Variants in PTPRO observed in about 807,000 individuals in gnomAD.
The protein encoded by PTPRO is receptor-type tyrosine-protein phosphatase O.
In PTPRO, 62 loss-of-function variants were observed where a neutral mutation model predicts 145.2. The ratio of observed to expected loss-of-function variants is 0.43; its 90% CI spans 0.35 to 0.53. The LOEUF (loss-of-function observed/expected upper bound fraction) is 0.53, where lower values mean the gene tolerates loss of function less well. PTPRO is among the 20% of genes least tolerant of loss of function. The pLI is 0.01. For missense variants in PTPRO, 1,345 were observed against 1,482.7 expected (o/e 0.91, Z 1.53); for synonymous variants, 565 against 514.7 (o/e 1.10, Z -1.32).
At chr12:15,525,589 T>C (rs1292779096) in intron 11 of PTPRO, among the ~76,000 whole-genome samples, 2 of 152,140 alleles carry the variant, frequency 1.3e-5, no homozygotes, top group African/African-American at 4.8e-5. Flanking sequence ...TGTTCCAGCC[T>C]GCAGGAAGGG....
intron 1 of PTPRO, among the ~76,000 whole-genome samples, chr12:15,462,595 G>A (rs1487176125): frequency 6.6e-6 from 1 of 152,176 alleles, no homozygotes; most frequent in Non-Finnish European, 1.5e-5. Flanking sequence ...TCATGTTCTT[G>A]TAGATAATAC....
At chr12:15,388,435 G>C (rs1760975987) in intron 1 of PTPRO, among the ~76,000 whole-genome samples, 1 of 152,094 alleles carries the variant, frequency 6.6e-6, no homozygotes, top group Non-Finnish European at 1.5e-5. Context: ...TTTAAACTGT[G>C]CTGAAATTAT....
chr12:15,441,124 T>C (rs982791094), intron 1 of PTPRO, among the ~76,000 whole-genome samples: 1 of 152,000 alleles, frequency 6.6e-6, no homozygotes, highest in African/African-American at 2.4e-5. Context: ...ATAAAGTAAG[T>C]CTCAATGAAA....
intron 9 of PTPRO, among the ~76,000 whole-genome samples, chr12:15,518,147 C>T (rs1043452467): frequency 1.3e-5 from 2 of 152,224 alleles, no homozygotes; most frequent in African/African-American, 2.4e-5. Flanking sequence ...CAGTTCTTGA[C>T]TCCTGTGCAC....
At chr12:15,404,479 T>C (rs1939593897) in intron 1 of PTPRO, among the ~76,000 whole-genome samples, 1 of 152,186 alleles carries the variant, frequency 6.6e-6, no homozygotes, top group African/African-American at 2.4e-5. Flanking sequence ...TTTATTTGTG[T>C]TATTTGTATA....
intron 1 of PTPRO, among the ~76,000 whole-genome samples, chr12:15,383,427 A>G (rs1938925431): frequency 1.3e-5 from 2 of 152,350 alleles, no homozygotes; most frequent in Admixed American, 6.5e-5. Flanking sequence ...TGCAGGGAAC[A>G]TGGGAATTTT....
intron 14 of PTPRO, among the ~76,000 whole-genome samples, chr12:15,550,522 A>C (rs1404044380): frequency 6.6e-6 from 1 of 152,240 alleles, no homozygotes; most frequent in Non-Finnish European, 1.5e-5. Flanking sequence ...ACAATGTAGC[A>C]TAACAGGTGA....
intron 1 of PTPRO, among the ~76,000 whole-genome samples, chr12:15,472,920 C>T (rs1565650271): frequency 6.6e-6 from 1 of 152,158 alleles, no homozygotes; most frequent in Non-Finnish European, 1.5e-5. Context: ...AGAGCTCCTT[C>T]CCATGAATTC....
intron 1 of PTPRO, chr12:15,348,289 A>C (rs1048744877): frequency 2.0e-5 from 3 of 152,266 alleles, no homozygotes; most frequent in Non-Finnish European, 4.4e-5. Context: ...TGGAAGATGC[A>C]GGAGAAAGGG....
chr12:15,417,431 C>T (rs1197382548), intron 1 of PTPRO, among the ~76,000 whole-genome samples: 1 of 151,652 alleles, frequency 6.6e-6, no homozygotes, highest in Non-Finnish European at 1.5e-5. Flanking sequence ...GTCTTTAATT[C>T]ATGTCTTTAT....
In PTPRO at chr12:15,589,460, G is replaced by C; in HGVS notation, c.3416G>C (p.Gly1139Ala). 6.2e-7 allele frequency: 1 copy of C among 1,614,082 alleles called. No individual in the cohort carries two copies. The highest frequency in any genetic ancestry group is 8.5e-7 in the Non-Finnish European group (1 of 1,180,002). Residue 1139 changes from glycine (G) to alanine (A), a missense_variant, in exon 25 of 27, where the codon GGC becomes GCC. This residue lies in a region of PTPRO where 208 missense variants were observed against 242.8 expected (regional missense o/e 0.86). Coordinates refer to ENST00000281171, the MANE Select transcript of PTPRO (RefSeq NM_030667.3). ...ATCGGAACATTCTTTTGCAGTGCTG[G>C]CGTGGGACGGACAGGAACATTCATT... Reference protein sequence around the residue: ...KGPMIIHCSAGVGRTGTFIAL... With the variant: ...KGPMIIHCSAAVGRTGTFIAL...
At chr12:15,513,055 G>A (rs1942474212) in intron 7 of PTPRO, among the ~76,000 whole-genome samples, 1 of 139,434 alleles carries the variant, frequency 7.2e-6, no homozygotes, top group African/African-American at 2.7e-5. Context: ...AAGGAAGGAA[G>A]GAGAAAGAGA....
chr12:15,469,464 A>G (rs539274259), intron 1 of PTPRO, among the ~76,000 whole-genome samples: 2 of 152,198 alleles, frequency 1.3e-5, no homozygotes, highest in African/African-American at 2.4e-5. Flanking sequence ...AATGTATTTT[A>G]TGGGTTCCTG....
chr12:15,356,614 C>T (rs927619029), intron 1 of PTPRO, among the ~76,000 whole-genome samples: 2 of 152,104 alleles, frequency 1.3e-5, no homozygotes, highest in Non-Finnish European at 1.5e-5. Context: ...TCTCTTCTAC[C>T]TTTAATGGCT....
chr12:15,573,597 G>A (rs1477704429), intron 19 of PTPRO, among the ~76,000 whole-genome samples: 2 of 152,074 alleles, frequency 1.3e-5, no homozygotes, highest in Admixed American at 1.3e-4. Context: ...TACATATTCT[G>A]GTAGGAAAAT....
intron 1 of PTPRO, among the ~76,000 whole-genome samples, chr12:15,379,714 T>C (rs1938800592): frequency 6.6e-6 from 1 of 152,158 alleles, no homozygotes; most frequent in African/African-American, 2.4e-5. Context: ...TCAATTTATA[T>C]GAAATAGGCA....
rs1349321752 is a variant in PTPRO at position 15,496,134 on chromosome 12, C to CTTTTTTTTTTTTTTTTTTTTTTTT, written c.350-1104_350-1103insTTTTTTTTTTTTTTTTTTTTTTTT. ...TTTTACTTATGTTCATTTTTCTTTT[C>CTTTTTTTTTTTTTTTTTTTTTTTT]TTTTTTTGTTTTTTTTTTTTTTTTT... On this transcript the variant is annotated intron_variant, in intron 2 of 26. Coordinates refer to ENST00000281171, the MANE Select transcript of PTPRO (RefSeq NM_030667.3). 6.4e-5 allele frequency among the ~76,000 whole-genome samples: 6 copies of CTTTTTTTTTTTTTTTTTTTTTTTT among 93,136 alleles called. 1 individual carries two copies. The highest frequency in any genetic ancestry group is 2.2e-5 in the Non-Finnish European group (1 of 44,914). 61.1% of individuals were successfully genotyped at this position (93,136 alleles called of 152,430 possible). A position where few individuals can be genotyped will look rare whatever the true frequency, so the allele number is the denominator to read the frequency against.
At chr12:15,469,899 T>C (rs1941501867) in intron 1 of PTPRO, among the ~76,000 whole-genome samples, 1 of 152,164 alleles carries the variant, frequency 6.6e-6, no homozygotes, top group South Asian at 2.1e-4. Flanking sequence ...ATCGGATCCT[T>C]GGATGGAAAA....
intron 1 of PTPRO, among the ~76,000 whole-genome samples, chr12:15,400,114 C>A (rs1034688297): frequency 6.7e-6 from 1 of 149,908 alleles, no homozygotes; most frequent in African/African-American, 2.4e-5. Context: ...CCTCAGCCTC[C>A]TGAGTAGCTG....
Sources: gnomAD v4.1 joint callset for allele counts (sites outside exome capture counted in the v4.1 genomes callset) on GRCh38, gnomAD v4.1.1 for gene constraint, gnomAD v4.1.1 regional missense constraint, MANE v1.5 for transcripts, NCBI Gene and HGNC (gene_info 2026-07-23, HGNC 2026-07-21) for gene names.